KCNQ5: variants seen among roughly 807,000 people sequenced by gnomAD.
The protein encoded by KCNQ5 is potassium voltage-gated channel subfamily Q member 5, also known as potassium voltage-gated channel subfamily KQT member 5.
KCNQ5 carries 30 observed loss-of-function variants against 98.2 expected under a neutral mutation model. The observed-to-expected ratio is 0.31, with a 90% CI of 0.23 to 0.41. The LOEUF (loss-of-function observed/expected upper bound fraction) is 0.41. Ranked by LOEUF, KCNQ5 falls within the 10% of genes least tolerant of loss-of-function variation. KCNQ5 has a pLI of 1.00. For synonymous variants in KCNQ5, 458 were observed against 449.4 expected, an observed-to-expected ratio of 1.02 and a Z score of -0.24; for missense variants, 835 against 1,182.5, an observed-to-expected ratio of 0.71 and a Z score of 4.31.
chr6:73,159,206 T>C (rs1562212682), intron 10 of KCNQ5, among the ~76,000 whole-genome samples: 1 of 152,164 alleles, frequency 6.6e-6, no homozygotes, highest in Admixed American at 6.5e-5. Flanking sequence ...GGAACACAAA[T>C]GGAGCTGGAG....
chr6:73,144,342 C>T (rs1341148965), intron 10 of KCNQ5, among the ~76,000 whole-genome samples: 1 of 152,158 alleles, frequency 6.6e-6, no homozygotes, highest in Non-Finnish European at 1.5e-5. Context: ...AATTTCTGAA[C>T]TCCAAAAGCA....
chr6:72,726,157 A>G (rs760649746), intron 1 of KCNQ5, among the ~76,000 whole-genome samples: 32 of 152,214 alleles, frequency 2.1e-4, no homozygotes, highest in Non-Finnish European at 4.1e-4. Context: ...ACTTATCAGA[A>G]AAACCCAGGT....
At chr6:73,060,625 A>C (rs987247465) in intron 3 of KCNQ5, among the ~76,000 whole-genome samples, 3 of 152,290 alleles carry the variant, frequency 2.0e-5, no homozygotes, top group East Asian at 3.9e-4. Context: ...ATGTGGAAAA[A>C]TATTTACAAC....
At chr6:72,988,503 A>G (rs959759984) in intron 1 of KCNQ5, among the ~76,000 whole-genome samples, 6 of 152,122 alleles carry the variant, frequency 3.9e-5, no homozygotes, top group Non-Finnish European at 8.8e-5. Context: ...GCAGACTACT[A>G]GAGGGGAGGG....
chr6:72,627,754 C>T (rs140417250), intron 1 of KCNQ5, among the ~76,000 whole-genome samples: 316 of 152,308 alleles, frequency 2.1e-3, no homozygotes, highest in Middle Eastern at 6.8e-3. Flanking sequence ...TAAGCCCCAC[C>T]CTTACTGCAC....
chr6:73,124,610 C>A, intron 9 of KCNQ5, 98 bp downstream of exon 9: 1 of 1,088,178 alleles, frequency 9.2e-7, no homozygotes, highest in South Asian at 1.3e-5. Context: ...TCAACAAATA[C>A]AAGATGATTA....
chr6:73,120,932 C>T (rs567030181), intron 8 of KCNQ5, among the ~76,000 whole-genome samples: 12 of 152,176 alleles, frequency 7.9e-5, no homozygotes, highest in Non-Finnish European at 1.3e-4. Flanking sequence ...TTGCACCCAT[C>T]GCCTGACCCC....
intron 3 of KCNQ5, among the ~76,000 whole-genome samples, chr6:73,061,782 G>A (rs1051778451): frequency 1.2e-4 from 18 of 152,150 alleles, no homozygotes; most frequent in African/African-American, 4.3e-4. Flanking sequence ...TACATGTAAA[G>A]TGCTTAGCTT....
At chr6:73,187,815 A>G (rs2150521427) in intron 11 of KCNQ5, among the ~76,000 whole-genome samples, 1 of 152,342 alleles carries the variant, frequency 6.6e-6, no homozygotes, top group South Asian at 2.1e-4. Context: ...GCTAGAGTGC[A>G]ATATTATCTA....
chr6:72,921,792 C>G (rs1281092811), intron 1 of KCNQ5, among the ~76,000 whole-genome samples: 2 of 152,100 alleles, frequency 1.3e-5, no homozygotes, highest in East Asian at 3.8e-4. Context: ...ACATTTTTGA[C>G]AGAAAATTTC....
At chr6:72,862,782 C>T (rs1293858851) in intron 1 of KCNQ5, among the ~76,000 whole-genome samples, 1 of 152,026 alleles carries the variant, frequency 6.6e-6, no homozygotes, top group African/African-American at 2.4e-5. Context: ...CACTCAGCAC[C>T]ATGCCTGGCT....
intron 10 of KCNQ5, chr6:73,157,398 G>T: frequency 1.7e-6 from 1 of 584,090 alleles, no homozygotes; most frequent in South Asian, 1.9e-5. Flanking sequence ...ACAATTTCTG[G>T]GGGGCAGCGG....
intron 12 of KCNQ5, 26 bp downstream of exon 12, chr6:73,190,730 G>T: frequency 6.8e-7 from 1 of 1,481,098 alleles, no homozygotes. Context: ...GTCATTCCTT[G>T]TAAAGGAATG....
intron 1 of KCNQ5, among the ~76,000 whole-genome samples, chr6:72,912,305 C>T (rs1432051973): frequency 5.3e-5 from 8 of 152,114 alleles, no homozygotes; most frequent in South Asian, 4.1e-4. Flanking sequence ...ATAACTTTTT[C>T]GTAGTAAGCA....
chr6:72,680,111 C>G (rs1767629712), intron 1 of KCNQ5, among the ~76,000 whole-genome samples: 2 of 152,134 alleles, frequency 1.3e-5, no homozygotes, highest in Non-Finnish European at 2.9e-5. Flanking sequence ...GCTAAACAAC[C>G]ATTATCACTA....
chr6:73,149,832 G>GGA (rs1554215615), intron 10 of KCNQ5, among the ~76,000 whole-genome samples: 1,595 of 141,118 alleles, frequency 0.011, 41 homozygotes, highest in African/African-American at 0.045. Flanking sequence ...GAGAGGGAGG[G>GGA]AGGAAGGAAG....
intron 2 of KCNQ5, among the ~76,000 whole-genome samples, chr6:73,013,109 G>A (rs1472328910): frequency 1.3e-5 from 2 of 152,076 alleles, no homozygotes; most frequent in Non-Finnish European, 2.9e-5. Context: ...ACAAGTATCT[G>A]TGTAAGAGTT....
intron 1 of KCNQ5, among the ~76,000 whole-genome samples, chr6:72,862,378 G>A (rs562855842): frequency 1.5e-4 from 23 of 152,240 alleles, no homozygotes; most frequent in African/African-American, 5.3e-4. Flanking sequence ...AGCTGAAGAG[G>A]GAGGGGCACT....
intron 5 of KCNQ5, among the ~76,000 whole-genome samples, chr6:73,084,829 A>G (rs1562168769): frequency 6.6e-6 from 1 of 152,168 alleles, no homozygotes; most frequent in Non-Finnish European, 1.5e-5. Context: ...AATGAAACTA[A>G]TCATTACTGG....
Sources: allele counts gnomAD v4.1 joint callset (sites outside exome capture counted in the v4.1 genomes callset), GRCh38; gene constraint gnomAD v4.1.1; transcripts MANE v1.5; gene names NCBI Gene and HGNC (gene_info 2026-07-23, HGNC 2026-07-21).